Variants in MPHOSPH6 observed in about 807,000 individuals in gnomAD.
MPHOSPH6 encodes M-phase phosphoprotein 6.
A neutral mutation model predicts 21.8 loss-of-function variants in MPHOSPH6; 25 were observed. That is an observed-to-expected ratio of 1.15 (90% CI 0.83 to 1.60). MPHOSPH6 has a LOEUF of 1.60. Among genes scored for constraint, MPHOSPH6 ranks in the 40% most tolerant of loss-of-function variants. The pLI is 0.00. For synonymous variants in MPHOSPH6, 84 were observed against 56.5 expected, an observed-to-expected ratio of 1.49 and a Z score of -2.18; for missense variants, 269 against 181.8, an observed-to-expected ratio of 1.48 and a Z score of -2.76.
intron 3 of MPHOSPH6, among the ~76,000 whole-genome samples, chr16:82,150,212 A>G (rs1415210530): frequency 1.3e-5 from 2 of 151,762 alleles, no homozygotes; most frequent in Non-Finnish European, 2.9e-5. Context: ...CCCCCCATCA[A>G]TTTCTGCGGG....
chr16:82,161,050 T>C (rs994996196), intron 2 of MPHOSPH6, among the ~76,000 whole-genome samples: 3 of 152,200 alleles, frequency 2.0e-5, no homozygotes, highest in Non-Finnish European at 4.4e-5. Flanking sequence ...TTCATACCCC[T>C]TGCTCCCATC....
At chr16:82,161,848 G>A (rs1906617795) in intron 2 of MPHOSPH6, among the ~76,000 whole-genome samples, 1 of 152,192 alleles carries the variant, frequency 6.6e-6, no homozygotes, top group Non-Finnish European at 1.5e-5. Context: ...CCCCTGTGAG[G>A]CAGTGTTAAC....
intron 2 of MPHOSPH6, among the ~76,000 whole-genome samples, chr16:82,155,875 A>G (rs1044723305): frequency 2.0e-5 from 3 of 151,796 alleles, no homozygotes; most frequent in African/African-American, 7.3e-5. Context: ...ACTGCACTCC[A>G]GCCTGGGTGA....
At chr16:82,148,917 A>G (rs2142402552) in intron 4 of MPHOSPH6, 54 bp from the exon 5 acceptor site, 1 of 1,587,386 alleles carries the variant, frequency 6.3e-7, no homozygotes, top group East Asian at 2.2e-5. Flanking sequence ...GGTAGGGATC[A>G]AGCCTTGTCA....
At position 82,149,014 on chromosome 16, in the gene MPHOSPH6, A is replaced by C. The variant is rs1229359248; in HGVS notation, c.351-151T>G. 9.3e-6 allele frequency: 10 copies of C among 1,077,424 alleles called. No individual in the cohort carries two copies. In the African/African-American group the frequency reaches 1.3e-4, roughly 14 times the overall value. The allele number at this position is 1,077,424 out of a possible 1,614,324, so 66.7% of individuals were successfully genotyped here. On this transcript the variant is annotated intron_variant, in intron 4 of 4. Coordinates refer to ENST00000258169, the MANE Select transcript of MPHOSPH6 (RefSeq NM_005792.2). ...AACCATCTGATTTAACAATTTATGA[A>C]CTTCTCTAAGAGTGATTAAATTCCT...
chr16:82,156,930 G>A (rs1407001183), intron 2 of MPHOSPH6, among the ~76,000 whole-genome samples: 1 of 152,166 alleles, frequency 6.6e-6, no homozygotes, highest in Non-Finnish European at 1.5e-5. Context: ...GTGCACGCCT[G>A]TAATCCCAGC....
rs906467350 is a variant in MPHOSPH6, at chr16:82,149,922, T to A, written c.256-519A>T. Among the ~76,000 whole-genome samples, 13 of 151,874 alleles carry A rather than the reference T, an allele frequency of 8.6e-5. 1 individual carries two copies. Among genetic ancestry groups the A allele is most frequent in the Non-Finnish European group, 1.8e-4 (12 of 67,988 alleles). On this transcript the variant is annotated intron_variant, in intron 3 of 4. Transcript: ENST00000258169. ...AGCCTTACCCTCCTAAACTTTAGAG[T>A]GGATAATGCATCCCATGTAACATCC... is the stretch of plus-strand genomic sequence containing the variant.
intron 1 of MPHOSPH6, among the ~76,000 whole-genome samples, chr16:82,165,144 T>G (rs34148832): frequency 0.38 from 40,038 of 105,886 alleles, 11,712 homozygotes; most frequent in Non-Finnish European, 0.56. Flanking sequence ...TTTTTTTTTT[T>G]TGAGACAGAG....
chr16:82,161,669 A>C (rs1906612033), intron 2 of MPHOSPH6, among the ~76,000 whole-genome samples: 1 of 152,192 alleles, frequency 6.6e-6, no homozygotes, highest in Non-Finnish European at 1.5e-5. Flanking sequence ...AGGAAAACAG[A>C]GAAAGAAGGA....
chr16:82,153,752 A>T (rs1597160141), intron 2 of MPHOSPH6, among the ~76,000 whole-genome samples: 1 of 152,174 alleles, frequency 6.6e-6, no homozygotes, highest in Non-Finnish European at 1.5e-5. Context: ...CTGGGAGAAC[A>T]CCTGCTGCAT....
At chr16:82,165,515 T>C (rs1045909590) in intron 1 of MPHOSPH6, among the ~76,000 whole-genome samples, 1 of 152,122 alleles carries the variant, frequency 6.6e-6, no homozygotes, top group African/African-American at 2.4e-5. Context: ...CTAAGTTAAA[T>C]GAAAAAACCT....
chr16:82,156,625 C>G (rs1173494608), intron 2 of MPHOSPH6, among the ~76,000 whole-genome samples: 1 of 152,196 alleles, frequency 6.6e-6, no homozygotes, highest in African/African-American at 2.4e-5. Flanking sequence ...AAATGTTGGA[C>G]TCTCACACTT....
At chr16:82,149,242 G>A in intron 4 of MPHOSPH6, 67 bp downstream of exon 4, 7 of 1,490,196 alleles carry the variant, frequency 4.7e-6, no homozygotes, top group Non-Finnish European at 6.5e-6. Context: ...TGGGGTAAGA[G>A]GAGCATTCCT....
At chr16:82,165,660 G>C (rs771210331) in intron 1 of MPHOSPH6, among the ~76,000 whole-genome samples, 1 of 81,808 alleles carries the variant, frequency 1.2e-5, no homozygotes, top group Non-Finnish European at 3.0e-5. Context: ...GATATGTTTA[G>C]ATACACAGAC....
intron 1 of MPHOSPH6, 82 bp downstream of exon 1, chr16:82,170,043 C>T: frequency 1.4e-6 from 2 of 1,470,008 alleles, no homozygotes; most frequent in Non-Finnish European, 1.8e-6. Flanking sequence ...TGTCCCTTGT[C>T]CGCCCGCCGC....
chr16:82,165,276 C>G (rs983490769), intron 1 of MPHOSPH6, among the ~76,000 whole-genome samples: 10 of 151,550 alleles, frequency 6.6e-5, no homozygotes, highest in African/African-American at 2.2e-4. Context: ...TACGCGCCTG[C>G]CACCACACCC....
chr16:82,152,902 T>C (rs1458445454), intron 2 of MPHOSPH6, among the ~76,000 whole-genome samples: 1 of 152,216 alleles, frequency 6.6e-6, no homozygotes, highest in African/African-American at 2.4e-5. Context: ...AAAGATTCCC[T>C]TATGCAACAA....
intron 1 of MPHOSPH6, 86 bp downstream of exon 1, chr16:82,170,039 T>C: frequency 6.9e-7 from 1 of 1,453,484 alleles, no homozygotes; most frequent in Non-Finnish European, 9.3e-7. Context: ...CTGGTGTCCC[T>C]TGTCCGCCCG....
At chr16:82,155,238 G>C (rs1017388090) in intron 2 of MPHOSPH6, among the ~76,000 whole-genome samples, 3 of 152,224 alleles carry the variant, frequency 2.0e-5, no homozygotes, top group Non-Finnish European at 4.4e-5. Flanking sequence ...ATGTGTAATA[G>C]AGAGAAAGTA....
Sources: gnomAD v4.1 joint callset for allele counts (sites outside exome capture counted in the v4.1 genomes callset) on GRCh38, gnomAD v4.1.1 for gene constraint, MANE v1.5 for transcripts, NCBI Gene and HGNC (gene_info 2026-07-23, HGNC 2026-07-21) for gene names.